NDUFB5: variants seen among roughly 807,000 people sequenced by gnomAD.
The protein encoded by NDUFB5 is NADH dehydrogenase [ubiquinone] 1 beta subcomplex subunit 5, mitochondrial.
NDUFB5 carries 19 observed loss-of-function variants against 19.4 expected under a neutral mutation model. The ratio of observed to expected loss-of-function variants is 0.98; its 90% CI spans 0.68 to 1.43. The LOEUF (loss-of-function observed/expected upper bound fraction) is 1.43, where lower values mean the gene tolerates loss of function less well. NDUFB5 is among the 40% of genes most tolerant of loss of function. NDUFB5 has a pLI of 0.00. For missense variants in NDUFB5, 233 were observed against 236.5 expected (o/e 0.99, Z 0.10); for synonymous variants, 80 against 82.6 (o/e 0.97, Z 0.17).
chr3:179,605,465 T>TTTTG (rs888927136), intron 1 of NDUFB5, among the ~76,000 whole-genome samples: 1 of 152,034 alleles, frequency 6.6e-6, no homozygotes, highest in African/African-American at 2.4e-5. Flanking sequence ...TTTTGTTTTG[T>TTTTG]TTTGTTTGTT....
chr3:179,613,524 T>C (rs1719301260), intron 1 of NDUFB5, among the ~76,000 whole-genome samples: 1 of 152,202 alleles, frequency 6.6e-6, no homozygotes, highest in African/African-American at 2.4e-5. Context: ...ATTAAATATG[T>C]ATTGAATTAA....
chr3:179,618,665 A>T (rs1371916844), intron 5 of NDUFB5, 144 bp downstream of exon 5: 4 of 608,308 alleles, frequency 6.6e-6, no homozygotes, highest in Non-Finnish European at 1.1e-5. Context: ...GCAGTGGCTC[A>T]CACCTGTAAT....
intron 5 of NDUFB5, among the ~76,000 whole-genome samples, chr3:179,622,052 C>T (rs534756384): frequency 2.6e-4 from 40 of 152,224 alleles, no homozygotes; most frequent in African/African-American, 7.5e-4. Context: ...ACTGCAGCCC[C>T]GACCTCCTGG....
chr3:179,615,349 CTA>C (rs1719349793), intron 2 of NDUFB5: 1 of 260,964 alleles, frequency 3.8e-6, no homozygotes, highest in Non-Finnish European at 7.7e-6. Flanking sequence ...GTTCCTATAA[CTA>C]AAATATTCTT....
chr3:179,605,670 G>A (rs1163002590), intron 1 of NDUFB5, among the ~76,000 whole-genome samples: 2 of 151,930 alleles, frequency 1.3e-5, no homozygotes, highest in Non-Finnish European at 2.9e-5. Flanking sequence ...ATATGATAAC[G>A]AATCCAGCCT....
chr3:179,626,512 T>C lies in NDUFB5; in HGVS notation c.*2472T>C, dbSNP rs1194752760. ...TTGGCCTCTCAAAGTGCAGGTACTT[T>C]AGGCGTGCCTGGCCTTTTTGTCCAT... On this transcript the variant is annotated 3_prime_UTR_variant, in exon 6 of 6. Transcript: ENST00000259037. The C allele has an allele frequency of 6.6e-6, 1 of 152,034 alleles. No individual in the cohort carries two copies. Among genetic ancestry groups the C allele is most frequent in the East Asian group, 1.9e-4 (1 of 5,194 alleles). The allele number at this position is 152,034 out of a possible 1,614,324, so 9.4% of individuals were successfully genotyped here. A position where few individuals can be genotyped will look rare whatever the true frequency, so the allele number is the denominator to read the frequency against.
In NDUFB5 at chr3:179,627,026, A is replaced by G. The variant is rs1719690317; in HGVS notation, c.*2986A>G. ...TAGTTCTGCAGACTGTACAGGAAGC[A>G]TGGCACCAGCATTGCTTGGCTTCTG... On this transcript the variant is annotated 3_prime_UTR_variant, in exon 6 of 6. Transcript: ENST00000259037. 6.6e-6 allele frequency: 1 copy of G among 152,244 alleles called. No homozygotes were observed. Among genetic ancestry groups the G allele is most frequent in the Admixed American group, 6.5e-5 (1 of 15,276 alleles). 9.4% of individuals were successfully genotyped at this position (152,244 alleles called of 1,614,324 possible). A position where few individuals can be genotyped will look rare whatever the true frequency, so the allele number is the denominator to read the frequency against.
At chr3:179,613,790 C>T (rs1719308746) in intron 1 of NDUFB5, among the ~76,000 whole-genome samples, 1 of 152,076 alleles carries the variant, frequency 6.6e-6, no homozygotes, top group African/African-American at 2.4e-5. Context: ...TTCCTGCTTT[C>T]AAGATATTTA....
intron 5 of NDUFB5, among the ~76,000 whole-genome samples, chr3:179,618,877 T>C (rs1258961302): frequency 1.3e-5 from 2 of 151,952 alleles, no homozygotes; most frequent in Admixed American, 6.6e-5. Context: ...TGGATAAAGA[T>C]AGAATTAGCT....
intron 1 of NDUFB5, 126 bp downstream of exon 1, chr3:179,605,065 A>G (rs912289332): frequency 1.1e-5 from 15 of 1,333,230 alleles, no homozygotes; most frequent in Non-Finnish European, 1.5e-5. Context: ...GGGGCTTGAC[A>G]GGAGAGACGG....
At chr3:179,617,528 T>TA (rs932982944) in intron 4 of NDUFB5, 27 of 152,422 alleles carry the variant, frequency 1.8e-4, no homozygotes, top group African/African-American at 6.3e-4. Context: ...ACTTCATTTT[T>TA]AAAAAAATCA....
rs1277035170 is a variant in NDUFB5, at chr3:179,623,945, T to C, written c.475T>C (p.Leu159=). 3.7e-6 allele frequency: 6 copies of C among 1,613,810 alleles called. No individual in the cohort carries two copies. In the Admixed American group the frequency reaches 6.7e-5, roughly 18 times the overall value. ...LRVKELEVRK[L]MHVRGDGPWY... Reference sequence around the variant, plus strand: ...GGTAAAGGAGCTGGAAGTGCGAAAATTGATGCATGTGAGAGGAGATGGACC... The same window carrying C: ...GGTAAAGGAGCTGGAAGTGCGAAAACTGATGCATGTGAGAGGAGATGGACC... The change falls in exon 6 of 6, where the codon TTG becomes CTG. Residue 159 remains leucine (L), a synonymous_variant. Coordinates refer to ENST00000259037, the MANE Select transcript of NDUFB5 (RefSeq NM_002492.4).
intron 1 of NDUFB5, among the ~76,000 whole-genome samples, chr3:179,611,476 G>A (rs1000599819): frequency 6.6e-6 from 1 of 151,646 alleles, no homozygotes; most frequent in African/African-American, 2.4e-5. Context: ...GTAGTGGCGC[G>A]ATCTTGGTTC....
At chr3:179,619,477 T>A (rs1369087080) in intron 5 of NDUFB5, among the ~76,000 whole-genome samples, 1 of 152,082 alleles carries the variant, frequency 6.6e-6, no homozygotes, top group Non-Finnish European at 1.5e-5. Flanking sequence ...TGCGATAGTT[T>A]GCTAAGAATG....
At chr3:179,613,701 C>T (rs1361157886) in intron 1 of NDUFB5, among the ~76,000 whole-genome samples, 1 of 152,128 alleles carries the variant, frequency 6.6e-6, no homozygotes, top group East Asian at 1.9e-4. Context: ...AAATTCATGC[C>T]AGTTTCTAAT....
rs1267539954 is a variant in NDUFB5, at chr3:179,615,077, G to T, written c.213+18G>T. 3 of 1,572,580 alleles carry T rather than the reference G, an allele frequency of 1.9e-6. No individual in the cohort carries two copies. Among genetic ancestry groups the T allele is most frequent in the South Asian group, 1.2e-5 (1 of 86,294 alleles). The stretch of plus-strand genomic sequence containing the variant: ...AGTTATTGGTAAGTTTAAATTTTTT[G>T]TTGAATTAAAGTCTTTGCATGTAAC... On this transcript the variant is annotated intron_variant, in intron 2 of 5. Transcript: ENST00000259037.
At chr3:179,606,723 T>C (rs546037269) in intron 1 of NDUFB5, among the ~76,000 whole-genome samples, 34 of 152,320 alleles carry the variant, frequency 2.2e-4, no homozygotes, top group African/African-American at 7.2e-4. Flanking sequence ...CCCTGTGCAA[T>C]AGAAGCAGGT....
chr3:179,623,540 G>C (rs1253816977), intron 5 of NDUFB5, among the ~76,000 whole-genome samples: 6 of 152,254 alleles, frequency 3.9e-5, no homozygotes, highest in South Asian at 2.1e-4. Flanking sequence ...TGGGCATGGT[G>C]GTGGGCCCCT....
At chr3:179,607,185 A>T (rs893385331) in intron 1 of NDUFB5, among the ~76,000 whole-genome samples, 1 of 152,114 alleles carries the variant, frequency 6.6e-6, no homozygotes, top group Non-Finnish European at 1.5e-5. Flanking sequence ...TCTAATAGCT[A>T]TGTTTACTAA....
Sources: gnomAD v4.1 joint callset for allele counts (sites outside exome capture counted in the v4.1 genomes callset) on GRCh38, gnomAD v4.1.1 for gene constraint, MANE v1.5 for transcripts, NCBI Gene and HGNC (gene_info 2026-07-23, HGNC 2026-07-21) for gene names.